The following CALN1 variants were observed in gnomAD, a reference collection of about 807,000 sequenced individuals.
The protein encoded by CALN1 is calneuron 1.
A neutral mutation model predicts 30.6 loss-of-function variants in CALN1; 17 were observed. That is an observed-to-expected ratio of 0.56 (90% CI 0.38 to 0.83). The LOEUF (loss-of-function observed/expected upper bound fraction) is 0.83. Ranked by LOEUF, CALN1 falls within the 40% of genes least tolerant of loss-of-function variation. The pLI, the probability that CALN1 is intolerant of heterozygous loss-of-function variation, is 0.00. For missense variants in CALN1, 291 were observed against 354.9 expected (o/e 0.82, Z 1.45); for synonymous variants, 156 against 131.4 (o/e 1.19, Z -1.28).
chr7:71,836,991 G>A (rs1204822524), intron 5 of CALN1, among the ~76,000 whole-genome samples: 1 of 151,042 alleles, frequency 6.6e-6, no homozygotes, highest in African/African-American at 2.4e-5. Context: ...CAGCACTTTG[G>A]GAGGCCGAGG....
chr7:72,022,084 A>G (rs1800739192), intron 5 of CALN1, among the ~76,000 whole-genome samples: 1 of 152,124 alleles, frequency 6.6e-6, no homozygotes, highest in South Asian at 2.1e-4. Context: ...AACTCTCATC[A>G]TGGCAGAACT....
At chr7:72,378,341 G>C (rs1804686369) in intron 2 of CALN1, among the ~76,000 whole-genome samples, 1 of 152,134 alleles carries the variant, frequency 6.6e-6, no homozygotes, top group South Asian at 2.1e-4. Flanking sequence ...ATTCCACAAA[G>C]CTGCTTGTTC....
At chr7:72,154,338 G>T (rs75174519) in intron 3 of CALN1, among the ~76,000 whole-genome samples, 1 of 152,038 alleles carries the variant, frequency 6.6e-6, no homozygotes, top group Non-Finnish European at 1.5e-5. Context: ...CTCAAAGCTC[G>T]CCATCTACAT....
chr7:72,337,014 A>T, intron 2 of CALN1: 2 of 985,152 alleles, frequency 2.0e-6, no homozygotes, highest in Non-Finnish European at 2.4e-6. Flanking sequence ...TCGTCTGGGG[A>T]CGTGTGCCCC....
chr7:72,380,011 T>TAG (rs138515272), intron 2 of CALN1, among the ~76,000 whole-genome samples: 2 of 152,342 alleles, frequency 1.3e-5, no homozygotes, highest in East Asian at 3.9e-4. Context: ...GTCTATGTAA[T>TAG]AGATGGAGAA....
At chr7:72,318,704 CTTTTTTTTTTTT>C (rs71069057) in intron 2 of CALN1, among the ~76,000 whole-genome samples, 5 of 72,000 alleles carry the variant, frequency 6.9e-5, no homozygotes, top group Non-Finnish European at 9.0e-5. Context: ...CCATGTGTAG[CTTTTTTTTTTTT>C]TTTTTTTTTT....
chr7:71,928,535 G>A (rs1795388104), intron 5 of CALN1, among the ~76,000 whole-genome samples: 1 of 151,642 alleles, frequency 6.6e-6, no homozygotes, highest in Non-Finnish European at 1.5e-5. Context: ...TTGAATCCAT[G>A]GATGCAGAAC....
chr7:72,270,044 A>G (rs569919463), intron 3 of CALN1, among the ~76,000 whole-genome samples: 1 of 152,286 alleles, frequency 6.6e-6, no homozygotes, highest in African/African-American at 2.4e-5. Context: ...GGAACTATAA[A>G]AAAGAACCAA....
At chr7:72,456,905 G>T in the CALN1 span, among the ~76,000 whole-genome samples, 4 of 151,830 alleles carry the variant, frequency 2.6e-5, no homozygotes, top group Admixed American at 2.6e-4. Flanking sequence ...ATATCTAAGG[G>T]ATCTGTCTTA....
intron 4 of CALN1, among the ~76,000 whole-genome samples, chr7:72,068,387 T>G (rs1373472725): frequency 6.6e-6 from 1 of 152,214 alleles, no homozygotes. Flanking sequence ...GCACACCACT[T>G]TGAATCCCAG....
chr7:72,475,933 CTCTCTCTCTTTTTTTTT>C, the CALN1 span, among the ~76,000 whole-genome samples: 1,906 of 139,576 alleles, frequency 0.014, 30 homozygotes, highest in African/African-American at 0.052. Flanking sequence ...CTCTCTCCCT[CTCTCTCTCTTTTTTTTT>C]TTTTTTTTTT....
intron 3 of CALN1, among the ~76,000 whole-genome samples, chr7:72,205,414 C>T (rs1368017897): frequency 1.3e-5 from 2 of 150,564 alleles, no homozygotes; most frequent in Admixed American, 6.6e-5. Flanking sequence ...GTTAACCAGG[C>T]TGGTCTCTAA....
chr7:72,172,926 A>G (rs1477785395), intron 3 of CALN1, among the ~76,000 whole-genome samples: 1 of 152,190 alleles, frequency 6.6e-6, no homozygotes, highest in Non-Finnish European at 1.5e-5. Flanking sequence ...ACTTCTATTT[A>G]CCACTGTATT....
At chr7:72,022,424 G>T (rs963995389) in intron 5 of CALN1, among the ~76,000 whole-genome samples, 5 of 152,182 alleles carry the variant, frequency 3.3e-5, no homozygotes, top group African/African-American at 1.2e-4. Context: ...ACAGGGTCTT[G>T]CTCTGTTGCC....
intron 3 of CALN1, among the ~76,000 whole-genome samples, chr7:72,201,587 G>GA (rs1201708497): frequency 1.0e-4 from 15 of 147,616 alleles, no homozygotes; most frequent in Admixed American, 2.0e-4. Context: ...CTCCATTTCG[G>GA]AAAAAAAAAG....
chr7:72,414,931 T>G (rs999151353), upstream of CALN1, among the ~76,000 whole-genome samples: 4 of 152,210 alleles, frequency 2.6e-5, no homozygotes, highest in Admixed American at 6.5e-5. Flanking sequence ...GATAGGGGTT[T>G]GGGGAGGTCA....
At chr7:72,415,619 G>C (rs983109408), upstream of CALN1, among the ~76,000 whole-genome samples, 4 of 152,208 alleles carry the variant, frequency 2.6e-5, no homozygotes, top group Admixed American at 6.5e-5. Flanking sequence ...AAACACACAA[G>C]TAAACAAGAA....
rs1178017054 is a variant in CALN1, at chr7:71,972,009, A to AG, written c.501+51647_501+51648insC. Among the ~76,000 whole-genome samples the AG allele has an allele frequency of 9.5e-4, 138 of 144,728 alleles. 1 individual carries two copies. The highest frequency in any genetic ancestry group is 2.5e-3 in the Admixed American group (34 of 13,776). The allele number at this position is 144,728 out of a possible 152,430, so 94.9% of individuals were successfully genotyped here. On this transcript the variant is annotated intron_variant, in intron 5 of 6. Transcript: ENST00000395275. ...AGAAAGAAAGAGAAAGAAAGAAAAA[A>AG]AGAAAGAAAAGAAAGAAAGAAAGAA...
intron 4 of CALN1, among the ~76,000 whole-genome samples, chr7:72,058,857 T>A (rs1431964170): frequency 6.6e-6 from 1 of 152,240 alleles, no homozygotes; most frequent in Non-Finnish European, 1.5e-5. Flanking sequence ...CATGGTATTC[T>A]GCATTAAAAA....
Sources: gnomAD v4.1 joint callset for allele counts (sites outside exome capture counted in the v4.1 genomes callset) on GRCh38, gnomAD v4.1.1 for gene constraint, MANE v1.5 for transcripts, NCBI Gene and HGNC (gene_info 2026-07-23, HGNC 2026-07-21) for gene names.